Variants in HPSE2 observed in about 807,000 individuals in gnomAD.
HPSE2 encodes heparanase 2 (inactive), also known as inactive heparanase-2.
Under a neutral mutation model 60.5 loss-of-function variants are expected in HPSE2, and 38 were observed. That is an observed-to-expected ratio of 0.63 (90% CI 0.48 to 0.82). HPSE2 has a LOEUF of 0.82. Ranked by LOEUF, HPSE2 falls within the 40% of genes least tolerant of loss-of-function variation. HPSE2 has a pLI of 0.00. For missense variants in HPSE2, 713 were observed against 740.4 expected (o/e 0.96, Z 0.43); for synonymous variants, 295 against 293.2 (o/e 1.01, Z -0.06).
At chr10:98,956,974 T>C (rs528340568) in intron 3 of HPSE2, among the ~76,000 whole-genome samples, 1 of 152,050 alleles carries the variant, frequency 6.6e-6, no homozygotes, top group African/African-American at 2.4e-5. Context: ...AGGGCACTGG[T>C]ACAAATTGAA....
chr10:98,547,571 C>T (rs550826769), intron 9 of HPSE2, among the ~76,000 whole-genome samples: 120 of 141,492 alleles, frequency 8.5e-4, no homozygotes, highest in African/African-American at 2.7e-3. Flanking sequence ...AACCAAACAC[C>T]GCATGTTCTC....
Position 98,929,838 on chromosome 10 carries a change from T to A in HPSE2, c.611-185782A>T, listed in dbSNP as rs1018945481. Among the ~76,000 whole-genome samples, 2 of 143,928 alleles carry A rather than the reference T, an allele frequency of 1.4e-5. 1 individual carries two copies. The highest frequency in any genetic ancestry group is 5.6e-5 in the African/African-American group (2 of 35,416). The allele number at this position is 143,928 out of a possible 152,430, so 94.4% of individuals were successfully genotyped here. ...ATGGTTGAAAAAAGTGAATATTTCA[T>A]GACACAGAAAATTATTTTTAAACAT... On this transcript the variant is annotated intron_variant, in intron 3 of 11. Coordinates refer to ENST00000370552, the MANE Select transcript of HPSE2 (RefSeq NM_021828.5).
At chr10:99,037,318 A>G (rs991197700) in intron 3 of HPSE2, among the ~76,000 whole-genome samples, 4 of 152,116 alleles carry the variant, frequency 2.6e-5, no homozygotes, top group African/African-American at 9.6e-5. Flanking sequence ...TAAAATCTGC[A>G]GTTAATTGTA....
intron 2 of HPSE2, among the ~76,000 whole-genome samples, chr10:99,220,994 G>A (rs1420367005): frequency 2.0e-5 from 3 of 150,642 alleles, no homozygotes; most frequent in East Asian, 2.0e-4. Context: ...ACAGGTGCCC[G>A]CCATCACGCC....
intron 6 of HPSE2, among the ~76,000 whole-genome samples, chr10:98,646,526 T>C (rs1159006): frequency 0.64 from 97,279 of 151,812 alleles, 33,894 homozygotes; most frequent in South Asian, 0.8. Flanking sequence ...ATCACAAAGG[T>C]AATGAAGTTG....
chr10:98,550,733 C>G (rs1463137000), intron 9 of HPSE2, among the ~76,000 whole-genome samples: 1 of 151,990 alleles, frequency 6.6e-6, no homozygotes, highest in Non-Finnish European at 1.5e-5. Context: ...CTCGGCCTCC[C>G]AAAGTGCTGG....
intron 3 of HPSE2, among the ~76,000 whole-genome samples, chr10:99,095,827 G>T (rs1843700534): frequency 6.6e-6 from 1 of 152,152 alleles, no homozygotes; most frequent in Non-Finnish European, 1.5e-5. Context: ...GACTAATGCT[G>T]TTATAAATAT....
the HPSE2 span, among the ~76,000 whole-genome samples, chr10:99,265,191 T>G: frequency 6.6e-6 from 1 of 152,234 alleles, no homozygotes; most frequent in Non-Finnish European, 1.5e-5. Context: ...AAGAAGGTAC[T>G]TTGTAATATT....
the HPSE2 span, among the ~76,000 whole-genome samples, chr10:99,288,403 T>C: frequency 6.6e-6 from 1 of 152,128 alleles, no homozygotes; most frequent in Non-Finnish European, 1.5e-5. Flanking sequence ...AGCAACTAGG[T>C]ATCTTGAAGT....
chr10:98,627,900 G>C (rs968788181), intron 7 of HPSE2, among the ~76,000 whole-genome samples: 1 of 152,186 alleles, frequency 6.6e-6, no homozygotes, highest in African/African-American at 2.4e-5. Context: ...AGCAGGAAAG[G>C]CCAGTTTAGA....
chr10:98,520,498 A>G (rs765284948), intron 9 of HPSE2, among the ~76,000 whole-genome samples: 39 of 152,140 alleles, frequency 2.6e-4, no homozygotes, highest in Non-Finnish European at 4.7e-4. Flanking sequence ...CACAGGGCCC[A>G]CTAAACCCGT....
At chr10:99,287,463 G>A in the HPSE2 span, among the ~76,000 whole-genome samples, 2 of 152,104 alleles carry the variant, frequency 1.3e-5, no homozygotes, top group Non-Finnish European at 2.9e-5. Flanking sequence ...TAGTAAACCA[G>A]CTGAGCTCAG....
intron 9 of HPSE2, among the ~76,000 whole-genome samples, chr10:98,600,803 CGT>C (rs1554950372): frequency 1.8e-5 from 2 of 112,050 alleles, no homozygotes; most frequent in African/African-American, 5.2e-5. Flanking sequence ...TATATATACA[CGT>C]GTGTGCGTGT....
chr10:98,502,935 G>A (rs1022780750), intron 9 of HPSE2, among the ~76,000 whole-genome samples: 12 of 152,188 alleles, frequency 7.9e-5, no homozygotes, highest in Admixed American at 7.8e-4. Flanking sequence ...CAATAGGCCT[G>A]GTGCAGTGGC....
intron 3 of HPSE2, among the ~76,000 whole-genome samples, chr10:98,927,113 T>C (rs1954492408): frequency 6.6e-6 from 1 of 152,114 alleles, no homozygotes; most frequent in Non-Finnish European, 1.5e-5. Context: ...TGTAGATGTC[T>C]ATTAGGTCTG....
At chr10:99,099,233 C>T (rs1008957592) in intron 3 of HPSE2, among the ~76,000 whole-genome samples, 1 of 152,204 alleles carries the variant, frequency 6.6e-6, no homozygotes, top group African/African-American at 2.4e-5. Flanking sequence ...CAGGGAATTC[C>T]CTTTCCTAGC....
At chr10:98,936,668 G>C (rs1028875477) in intron 3 of HPSE2, among the ~76,000 whole-genome samples, 3 of 143,042 alleles carry the variant, frequency 2.1e-5, no homozygotes, top group African/African-American at 5.7e-5. Flanking sequence ...GGCCCATAAA[G>C]CCTAAAATAC....
At chr10:99,032,633 G>A (rs1376384930) in intron 3 of HPSE2, among the ~76,000 whole-genome samples, 3 of 152,068 alleles carry the variant, frequency 2.0e-5, no homozygotes, top group Non-Finnish European at 4.4e-5. Context: ...AAACTTCATG[G>A]CTTAAACAAT....
At chr10:98,732,103 C>G (rs1048423473) in intron 4 of HPSE2, among the ~76,000 whole-genome samples, 1 of 152,034 alleles carries the variant, frequency 6.6e-6, no homozygotes, top group Admixed American at 6.6e-5. Context: ...AACTTATACA[C>G]TGAAAACTAC....
Sources: gnomAD v4.1 joint callset for allele counts (sites outside exome capture counted in the v4.1 genomes callset) on GRCh38, gnomAD v4.1.1 for gene constraint, MANE v1.5 for transcripts, NCBI Gene and HGNC (gene_info 2026-07-23, HGNC 2026-07-21) for gene names.